The following PCDHA2 variants were observed in gnomAD, a reference collection of about 807,000 sequenced individuals.
PCDHA2 encodes protocadherin alpha 2, also known as protocadherin alpha-2.
In PCDHA2, 58 loss-of-function variants were observed where a neutral mutation model predicts 66.0. The ratio of observed to expected loss-of-function variants is 0.88; its 90% CI spans 0.71 to 1.09. PCDHA2 has a LOEUF of 1.09. Among genes scored for constraint, PCDHA2 ranks in the 50% least tolerant of loss-of-function variants. PCDHA2 has a pLI of 0.00. For synonymous variants in PCDHA2, 634 were observed against 554.0 expected (o/e 1.14, Z -2.03); for missense variants, 1,267 against 1,242.3 (o/e 1.02, Z -0.30).
At chr5:140,966,356 C>G (rs1300973653) in intron 1 of PCDHA2, 2 of 400,342 alleles carry the variant, frequency 5.0e-6, no homozygotes, top group Non-Finnish European at 8.8e-6. Flanking sequence ...GGAGATGGGG[C>G]TGGAGAGGCT....
chr5:140,941,206 T>TCTTC (rs201128549), intron 1 of PCDHA2, among the ~76,000 whole-genome samples: 3,670 of 95,482 alleles, frequency 0.038, 169 homozygotes, highest in African/African-American at 0.16. Flanking sequence ...TTTCTTCCTT[T>TCTTC]CTTTCTTCCT....
chr5:140,861,636 CA>C, intron 1 of PCDHA2: 1 of 303,242 alleles, frequency 3.3e-6, no homozygotes. Flanking sequence ...CTCAGCAACA[CA>C]AAAGAATCTG....
At chr5:140,886,436 T>A (rs1434592910) in intron 1 of PCDHA2, among the ~76,000 whole-genome samples, 2 of 152,158 alleles carry the variant, frequency 1.3e-5, no homozygotes, top group African/African-American at 4.8e-5. Context: ...TATTCATTTG[T>A]TTGTACTAAT....
intron 1 of PCDHA2, chr5:140,856,750 C>G (rs1554149043): frequency 6.3e-7 from 1 of 1,596,268 alleles, no homozygotes; most frequent in African/African-American, 1.3e-5. Context: ...TGTTAGATGC[C>G]AATGATAACG....
Position 140,871,133 on chromosome 5 carries a change from C to A in PCDHA2, c.2388+73781C>A, listed in dbSNP as rs1156390839. On this transcript the variant is annotated intron_variant, in intron 1 of 3. Transcript: ENST00000526136. ...GTGGAGAGCGGACAGGCGCCAAAGG[C>A]CTCTTCCCGGACTTTGGCGGGCGCC... 29 of 1,613,274 alleles carry A rather than the reference C, an allele frequency of 1.8e-5. No homozygotes were observed. Among genetic ancestry groups the A allele is most frequent in the Non-Finnish European group, 2.5e-5 (29 of 1,179,916 alleles).
intron 1 of PCDHA2, chr5:140,822,669 T>G: frequency 6.2e-7 from 1 of 1,608,496 alleles, no homozygotes; most frequent in South Asian, 1.1e-5. Flanking sequence ...ATTCTAATAC[T>G]GGTGAAATAA....
chr5:140,834,613 T>C, intron 1 of PCDHA2: 2 of 1,614,054 alleles, frequency 1.2e-6, no homozygotes, highest in African/African-American at 1.3e-5. Flanking sequence ...CTTCTGGAGG[T>C]AAATCTGCAG....
At chr5:140,957,023 G>C (rs1360382480) in intron 1 of PCDHA2, among the ~76,000 whole-genome samples, 2 of 152,100 alleles carry the variant, frequency 1.3e-5, no homozygotes, top group Non-Finnish European at 2.9e-5. Flanking sequence ...TGAGCATTTA[G>C]ATATTTATGG....
In PCDHA2 at chr5:140,796,384, A is replaced by T. The variant is rs782256152; in HGVS notation, c.1420A>T (p.Ile474Phe). ...VKENNPPGCH[I>F]FTVSAWDADA... ...GGAGAACAACCCGCCGGGCTGCCAC[A>T]TCTTCACGGTGTCAGCGTGGGATGC... The change falls in exon 1 of 4, where the codon ATC (isoleucine) becomes TTC (phenylalanine). Residue 474 changes from isoleucine to phenylalanine, a missense_variant. Transcript: ENST00000526136. 2.5e-6 allele frequency: 4 copies of T among 1,613,562 alleles called. No individual in the cohort carries two copies. Among genetic ancestry groups the T allele is most frequent in the Non-Finnish European group, 3.4e-6 (4 of 1,179,864 alleles).
intron 3 of PCDHA2, among the ~76,000 whole-genome samples, chr5:140,995,267 C>A (rs552857413): frequency 6.6e-6 from 1 of 152,074 alleles, no homozygotes; most frequent in Admixed American, 6.5e-5. Context: ...GAATACAAGC[C>A]CTTTGATACC....
intron 1 of PCDHA2, chr5:140,875,985 G>C (rs1351463699): frequency 1.8e-5 from 29 of 1,613,832 alleles, no homozygotes; most frequent in Non-Finnish European, 2.3e-5. Context: ...TGACCTATGC[G>C]TTAAGTCTAA....
At chr5:140,922,181 A>G (rs2080696715) in intron 1 of PCDHA2, among the ~76,000 whole-genome samples, 1 of 152,324 alleles carries the variant, frequency 6.6e-6, no homozygotes, top group South Asian at 2.1e-4. Context: ...GCAGACAAAA[A>G]AAAAGTCTTA....
intron 1 of PCDHA2, chr5:140,809,712 T>C (rs1764529866): frequency 2.9e-6 from 3 of 1,022,172 alleles, no homozygotes; most frequent in Non-Finnish European, 4.2e-6. Flanking sequence ...TAAAGTCTTT[T>C]GGAATTATAG....
At chr5:140,883,551 G>C (rs375469569) in intron 1 of PCDHA2, 16 of 1,614,234 alleles carry the variant, frequency 9.9e-6, no homozygotes, top group Middle Eastern at 1.7e-4. Flanking sequence ...GTGACCGCGC[G>C]GGACGGGGGC....
At chr5:140,964,677 A>G (rs578237071) in intron 1 of PCDHA2, among the ~76,000 whole-genome samples, 11 of 152,090 alleles carry the variant, frequency 7.2e-5, no homozygotes, top group Non-Finnish European at 1.0e-4. Flanking sequence ...CAGGTCCACA[A>G]TTTGTGCACT....
intron 1 of PCDHA2, among the ~76,000 whole-genome samples, chr5:140,970,875 AT>A (rs1213440334): frequency 6.6e-6 from 1 of 152,100 alleles, no homozygotes; most frequent in African/African-American, 2.4e-5. Flanking sequence ...TTGAGAGTAG[AT>A]TTTTCTCATG....
intron 1 of PCDHA2, among the ~76,000 whole-genome samples, chr5:140,899,684 G>T (rs1554188704): frequency 6.6e-6 from 1 of 152,154 alleles, no homozygotes; most frequent in African/African-American, 2.4e-5. Context: ...TCAGGATGAT[G>T]CTGGCCTCAT....
intron 1 of PCDHA2, chr5:140,849,391 G>A: frequency 1.3e-6 from 2 of 1,539,768 alleles, no homozygotes; most frequent in South Asian, 1.1e-5. Flanking sequence ...GACCCCTTAA[G>A]TGGGGCAATC....
At chr5:140,856,906 C>A (rs2044264701) in intron 1 of PCDHA2, 5 of 1,596,020 alleles carry the variant, frequency 3.1e-6, no homozygotes, top group Non-Finnish European at 2.6e-6. Flanking sequence ...TGGTCCCACC[C>A]ACGATAAGAA....
Sources: allele counts gnomAD v4.1 joint callset (sites outside exome capture counted in the v4.1 genomes callset), GRCh38; gene constraint gnomAD v4.1.1; transcripts MANE v1.5; gene names NCBI Gene and HGNC (gene_info 2026-07-23, HGNC 2026-07-21).